Variants in NGLY1 observed in about 807,000 individuals in gnomAD.
NGLY1 encodes peptide-N(4)-(N-acetyl-beta-glucosaminyl)asparagine amidase.
In NGLY1, 68 loss-of-function variants were observed where a neutral mutation model predicts 84.6. The ratio of observed to expected loss-of-function variants is 0.80; its 90% CI spans 0.66 to 0.98. The LOEUF (loss-of-function observed/expected upper bound fraction) is 0.98. Ranked by LOEUF, NGLY1 falls within the 50% of genes least tolerant of loss-of-function variation. The probability of loss-of-function intolerance (pLI) is 0.00; values close to 1 mark genes in which losing one functional copy is unlikely to be tolerated. For synonymous variants in NGLY1, 280 were observed against 275.2 expected, an observed-to-expected ratio of 1.02 and a Z score of -0.17; for missense variants, 779 against 770.2, an observed-to-expected ratio of 1.01 and a Z score of -0.14.
intron 4 of NGLY1, among the ~76,000 whole-genome samples, chr3:25,750,435 GAT>G (rs1425150449): frequency 6.6e-6 from 1 of 152,146 alleles, no homozygotes; most frequent in Non-Finnish European, 1.5e-5. Context: ...ACTTATATAA[GAT>G]AGAATAGTCA....
intron 4 of NGLY1, among the ~76,000 whole-genome samples, chr3:25,748,816 G>A (rs776040446): frequency 4.6e-5 from 7 of 151,968 alleles, no homozygotes; most frequent in African/African-American, 9.7e-5. Flanking sequence ...CACTAATGAC[G>A]CTATCATATA....
chr3:25,756,140 G>A (rs1042239793), intron 3 of NGLY1, among the ~76,000 whole-genome samples: 1 of 152,060 alleles, frequency 6.6e-6, no homozygotes, highest in African/African-American at 2.4e-5. Context: ...TGGATTTAGA[G>A]GAGAGATTCT....
intron 3 of NGLY1, among the ~76,000 whole-genome samples, chr3:25,758,721 A>G (rs895133876): frequency 3.9e-5 from 6 of 152,206 alleles, no homozygotes. Flanking sequence ...TATATTGACA[A>G]TATGTGCTGA....
intron 2 of NGLY1, among the ~76,000 whole-genome samples, chr3:25,774,164 G>T (rs1323792294): frequency 6.6e-6 from 1 of 152,190 alleles, no homozygotes; most frequent in Non-Finnish European, 1.5e-5. Flanking sequence ...TACAGGTGGT[G>T]GAATTAGCTG....
chr3:25,787,593 G>A (rs544457051), upstream of NGLY1, among the ~76,000 whole-genome samples: 2 of 152,324 alleles, frequency 1.3e-5, no homozygotes, highest in East Asian at 3.9e-4. Context: ...AAGACAAAGA[G>A]GAGTAAGAGA....
chr3:25,767,100 T>C (rs1026250265), intron 2 of NGLY1, among the ~76,000 whole-genome samples: 50 of 151,954 alleles, frequency 3.3e-4, no homozygotes, highest in African/African-American at 1.1e-3. Flanking sequence ...GAGATCAGCC[T>C]GACCAACATG....
At chr3:25,732,200 T>C (rs964404234) in intron 9 of NGLY1, 119 bp downstream of exon 9, 1 of 813,698 alleles carries the variant, frequency 1.2e-6, no homozygotes, top group Non-Finnish European at 1.8e-6. Context: ...CATTTTAAAA[T>C]AATTACTCTC....
intron 2 of NGLY1, among the ~76,000 whole-genome samples, chr3:25,777,239 T>C (rs1395725979): frequency 6.6e-6 from 1 of 151,872 alleles, no homozygotes; most frequent in Non-Finnish European, 1.5e-5. Context: ...CTACTAAAAA[T>C]ACAAAATTAG....
chr3:25,744,009 C>A (rs2125496367), intron 4 of NGLY1, among the ~76,000 whole-genome samples: 1 of 152,180 alleles, frequency 6.6e-6, no homozygotes, highest in African/African-American at 2.4e-5. Flanking sequence ...GGGTTTATTT[C>A]AAAAATATAA....
In NGLY1 at chr3:25,755,756, A is replaced by G; in HGVS notation, c.493-4493T>C. ...CCAATATACTGAACTAGAATATTCT[A>G]GATCTTCTCGTTTTACCTTAAAAGA... On this transcript the variant is annotated intron_variant, in intron 3 of 11. Transcript: ENST00000280700. 4.6e-6 allele frequency: 4 copies of G among 867,012 alleles called. No homozygotes were observed. In the South Asian group the frequency reaches 7.3e-5, roughly 16 times the overall value. 53.7% of individuals were successfully genotyped at this position (867,012 alleles called of 1,614,324 possible).
intron 10 of NGLY1, among the ~76,000 whole-genome samples, chr3:25,726,173 G>C (rs1705248651): frequency 6.7e-6 from 1 of 149,380 alleles, no homozygotes; most frequent in Non-Finnish European, 1.5e-5. Flanking sequence ...ACTCAACAAA[G>C]TGAGGTTCTT....
chr3:25,719,872 G>T, intron 11 of NGLY1, 142 bp downstream of exon 11: 1 of 704,280 alleles, frequency 1.4e-6, no homozygotes, highest in Non-Finnish European at 2.1e-6. Flanking sequence ...GATCACACAG[G>T]GTTTATTAAA....
At chr3:25,735,983 T>G (rs770229031) in intron 7 of NGLY1, 21 bp downstream of exon 7, 1 of 1,565,592 alleles carries the variant, frequency 6.4e-7, no homozygotes, top group Non-Finnish European at 8.6e-7. Context: ...TGGAAAAAAG[T>G]TTTTTTCTTT....
rs766087328 is a variant in NGLY1, at chr3:25,764,027, T to C, written c.492+39A>G. ...CAAAGCTTTTGCTGTTTCAACACTTTGAAAGAAACAGTTAAAGAAGGTTTA... is the reference window on the plus strand; with the variant it reads ...CAAAGCTTTTGCTGTTTCAACACTTCGAAAGAAACAGTTAAAGAAGGTTTA... On this transcript the variant is annotated intron_variant, in intron 3 of 11. Coordinates refer to ENST00000280700, the MANE Select transcript of NGLY1 (RefSeq NM_018297.4). 5.6e-6 allele frequency: 9 copies of C among 1,604,902 alleles called. No homozygotes were observed. The South Asian group carries it at 8.9e-5, about 16-fold the overall frequency.
chr3:25,755,187 GA>G (rs1706976741), intron 3 of NGLY1: 1 of 1,312,186 alleles, frequency 7.6e-7, no homozygotes, highest in African/African-American at 1.5e-5. Flanking sequence ...CTTCCCCCAA[GA>G]GGTTTCTTAC....
intron 2 of NGLY1, among the ~76,000 whole-genome samples, chr3:25,768,536 C>A (rs1274160833): frequency 5.5e-5 from 8 of 146,746 alleles, no homozygotes; most frequent in Non-Finnish European, 1.2e-4. Context: ...GGAAATTGGT[C>A]TGGGCAAAGA....
At position 25,751,206 on chromosome 3, in the gene NGLY1, C is replaced by T. The variant is rs139636452; in HGVS notation, c.550G>A (p.Val184Ile). The T allele has an allele frequency of 4.0e-5, 64 of 1,612,588 alleles. No homozygotes were observed. Among genetic ancestry groups the T allele is most frequent in the Non-Finnish European group, 4.8e-5 (57 of 1,179,426 alleles). ...VLQSNIQHVL[V>I]YENPALQEKA... ...TCCTGAAGAGCAGGATTTTCATAGA[C>T]CAGCACATGCTGAATGTTGGACTGA... Residue 184 changes from valine (V) to isoleucine (I), a missense_variant, in exon 4 of 12, where the codon GTC (valine) becomes ATC (isoleucine). Physicochemically the swap from Val to Ile is conservative, Grantham distance 29 (BLOSUM62 3). Transcript: ENST00000280700.
At chr3:25,749,425 G>A (rs532714832) in intron 4 of NGLY1, 1 of 936,132 alleles carries the variant, frequency 1.1e-6, no homozygotes, top group Non-Finnish European at 1.7e-6. Context: ...CCTTAAAAAG[G>A]AAGGAAGCTC....
rs1706021721 is a variant in NGLY1 at position 25,739,610 on chromosome 3, C to T, written c.848G>A (p.Cys283Tyr). ...WGAKEVEDHY[C>Y]DACQFSNRFP... The stretch of plus-strand genomic sequence containing the variant: ...TCGATTGCTGAACTGGCAGGCATCA[C>T]AGTAATGATCTTCCACTTCCTTTGC... The change falls in exon 5 of 12, where the codon TGT (cysteine) becomes TAT (tyrosine). Residue 283 changes from cysteine (C) to tyrosine (Y), a missense_variant. Coordinates refer to ENST00000280700, the MANE Select transcript of NGLY1 (RefSeq NM_018297.4). 5.6e-6 allele frequency: 9 copies of T among 1,614,124 alleles called. No homozygotes were observed. Among genetic ancestry groups the T allele is most frequent in the Non-Finnish European group, 7.6e-6 (9 of 1,179,996 alleles).
Sources: gnomAD v4.1 joint callset for allele counts (sites outside exome capture counted in the v4.1 genomes callset) on GRCh38, gnomAD v4.1.1 for gene constraint, MANE v1.5 for transcripts, NCBI Gene and HGNC (gene_info 2026-07-23, HGNC 2026-07-21) for gene names.